Variants in IL6R observed in about 807,000 individuals in gnomAD.
IL6R encodes the protein interleukin 6 receptor, also known as interleukin-6 receptor subunit alpha.
Under a neutral mutation model 48.3 loss-of-function variants are expected in IL6R, and 38 were observed. That is an observed-to-expected ratio of 0.79 (90% CI 0.61 to 1.03). IL6R has a LOEUF of 1.03. Among genes scored for constraint, IL6R ranks in the 50% least tolerant of loss-of-function variants. The probability of loss-of-function intolerance (pLI) is 0.00; values close to 1 mark genes in which losing one functional copy is unlikely to be tolerated. For missense variants in IL6R, 534 were observed against 618.3 expected (o/e 0.86, Z 1.45); for synonymous variants, 264 against 256.2 (o/e 1.03, Z -0.29).
At chr1:154,440,788 T>G (rs941171093) in intron 6 of IL6R, among the ~76,000 whole-genome samples, 22 of 152,036 alleles carry the variant, frequency 1.4e-4, no homozygotes, top group African/African-American at 5.3e-4. Flanking sequence ...CCCGAGTAGT[T>G]GAGATTGGCA....
chr1:154,467,198 A>T lies in IL6R; in HGVS notation c.*1818A>T, dbSNP rs938319364. ...TCTTTTTATTTAGTTCCTTGAGTTG[A>T]TTCAGCTCTGCAAGAATTGAAGCAG... On this transcript the variant is annotated 3_prime_UTR_variant, in exon 10 of 10. Coordinates refer to ENST00000368485, the MANE Select transcript of IL6R (RefSeq NM_000565.4). 2.0e-5 allele frequency: 3 copies of T among 152,198 alleles called. No individual in the cohort carries two copies. Among genetic ancestry groups the T allele is most frequent in the African/African-American group, 7.2e-5 (3 of 41,452 alleles). 9.4% of individuals were successfully genotyped at this position (152,198 alleles called of 1,614,324 possible). A position where few individuals can be genotyped will look rare whatever the true frequency, so the allele number is the denominator to read the frequency against.
intron 1 of IL6R, among the ~76,000 whole-genome samples, chr1:154,426,163 C>T (rs1043828810): frequency 2.6e-4 from 37 of 145,084 alleles, no homozygotes; most frequent in Admixed American, 1.2e-3. Flanking sequence ...CTGTATCAGA[C>T]ACACACACAC....
intron 6 of IL6R, among the ~76,000 whole-genome samples, chr1:154,441,056 G>A (rs1402563486): frequency 1.3e-5 from 2 of 152,216 alleles, no homozygotes; most frequent in African/African-American, 4.8e-5. Context: ...GGCCTCACTG[G>A]CCCTTGCTCT....
chr1:154,438,175 T>G lies in IL6R; in HGVS notation c.949+2065T>G, dbSNP rs536923188. Among the ~76,000 whole-genome samples the G allele has an allele frequency of 1.9e-3, 288 of 152,148 alleles. 2 individuals carry two copies. The highest frequency in any genetic ancestry group is 4.4e-3 in the South Asian group (21 of 4,812). The stretch of plus-strand genomic sequence containing the variant: ...TTTCTGTTTCTAGTTCCTCTGTTGG[T>G]GCCCTCCTTAACTCTAAACAACAAG... On this transcript the variant is annotated intron_variant, in intron 6 of 9. Transcript: ENST00000368485.
intron 4 of IL6R, 111 bp downstream of exon 4, chr1:154,434,811 G>A (rs893448202): frequency 2.2e-5 from 28 of 1,247,484 alleles, no homozygotes; most frequent in Non-Finnish European, 2.9e-5. Flanking sequence ...TTGGTGAGTT[G>A]GTGCCTTTTG....
At chr1:154,409,350 C>T (rs1687898793) in intron 1 of IL6R, among the ~76,000 whole-genome samples, 1 of 152,032 alleles carries the variant, frequency 6.6e-6, no homozygotes, top group Non-Finnish European at 1.5e-5. Context: ...TTCCTTTATC[C>T]CCCTCTGCCT....
intron 9 of IL6R, among the ~76,000 whole-genome samples, chr1:154,462,101 T>A (rs762214021): frequency 6.6e-6 from 1 of 152,180 alleles, no homozygotes; most frequent in Non-Finnish European, 1.5e-5. Flanking sequence ...GCAGCCTGAT[T>A]ACTGCTTCAT....
At chr1:154,408,705 A>G (rs892356477) in intron 1 of IL6R, among the ~76,000 whole-genome samples, 6 of 151,162 alleles carry the variant, frequency 4.0e-5, no homozygotes, top group Non-Finnish European at 7.4e-5. Context: ...GAAAATATAC[A>G]CTCCCTTCCC....
intron 8 of IL6R, among the ~76,000 whole-genome samples, chr1:154,452,543 ATTTG>A (rs1690642697): frequency 6.6e-6 from 1 of 152,088 alleles, no homozygotes. Flanking sequence ...TTTAAAAAAC[ATTTG>A]TTTGGCCGGG....
intron 1 of IL6R, among the ~76,000 whole-genome samples, chr1:154,409,161 A>G (rs533840947): frequency 2.0e-4 from 31 of 152,298 alleles, no homozygotes; most frequent in African/African-American, 7.5e-4. Flanking sequence ...ATGAAATCAA[A>G]TAAAAACTTA....
chr1:154,459,687 A>G (rs969746365), intron 9 of IL6R, among the ~76,000 whole-genome samples: 2 of 152,148 alleles, frequency 1.3e-5, no homozygotes, highest in African/African-American at 4.8e-5. Context: ...AAATTTAAAT[A>G]TGCTATCGAA....
rs1553309648 is a variant in IL6R, at chr1:154,447,454, A to AAAT, written c.950-670_950-669insATA. Among the ~76,000 whole-genome samples the AAAT allele has an allele frequency of 9.6e-4, 67 of 70,090 alleles. 1 individual carries two copies. The highest frequency in any genetic ancestry group is 1.2e-3 in the Admixed American group (6 of 4,818). 46.0% of individuals were successfully genotyped at this position (70,090 alleles called of 152,430 possible). ...ACTCCATCTCAAAAAAAAAAAAAAA[A>AAAT]ATATATATATATATATATATATACA... On this transcript the variant is annotated intron_variant, in intron 6 of 9. Transcript: ENST00000368485.
At chr1:154,443,143 T>C (rs1191322384) in intron 6 of IL6R, among the ~76,000 whole-genome samples, 4 of 152,120 alleles carry the variant, frequency 2.6e-5, no homozygotes, top group Non-Finnish European at 4.4e-5. Flanking sequence ...TCACAAATAA[T>C]CCCTTTAACT....
chr1:154,439,996 G>A (rs1689845507), intron 6 of IL6R, among the ~76,000 whole-genome samples: 2 of 152,050 alleles, frequency 1.3e-5, no homozygotes, highest in Non-Finnish European at 1.5e-5. Flanking sequence ...TCTGCCTCCC[G>A]GGTTCAAGCA....
At chr1:154,452,276 G>C (rs542006148) in intron 8 of IL6R, among the ~76,000 whole-genome samples, 14 of 152,280 alleles carry the variant, frequency 9.2e-5, no homozygotes, top group African/African-American at 3.1e-4. Context: ...AAAGTCCCCA[G>C]TTTCTACGAG....
chr1:154,415,115 G>A (rs149081736), intron 1 of IL6R: 10 of 1,102,908 alleles, frequency 9.1e-6, no homozygotes, highest in Non-Finnish European at 1.3e-5. Flanking sequence ...GGTTCCACTC[G>A]CCCTTGAGTT....
At chr1:154,440,458 A>AATTTTC (rs1689870311) in intron 6 of IL6R, among the ~76,000 whole-genome samples, 2 of 152,006 alleles carry the variant, frequency 1.3e-5, no homozygotes. Flanking sequence ...TCTATTTTTA[A>AATTTTC]ATTTTCATGG....
intron 1 of IL6R, chr1:154,414,961 C>A: frequency 7.3e-7 from 1 of 1,363,294 alleles, no homozygotes; most frequent in Non-Finnish European, 1.0e-6. Flanking sequence ...GCTCCACTGG[C>A]CCCGATCTTC....
intron 7 of IL6R, among the ~76,000 whole-genome samples, chr1:154,448,776 A>C (rs1355028029): frequency 6.7e-6 from 1 of 148,684 alleles, no homozygotes. Flanking sequence ...GGAAACTGAC[A>C]CCGACTGAGG....
Sources: allele counts gnomAD v4.1 joint callset (sites outside exome capture counted in the v4.1 genomes callset), GRCh38; gene constraint gnomAD v4.1.1; transcripts MANE v1.5; gene names NCBI Gene and HGNC (gene_info 2026-07-23, HGNC 2026-07-21).